The following TCF3 variants were observed in gnomAD, a reference collection of about 807,000 sequenced individuals.
TCF3 encodes transcription factor 3.
Under a neutral mutation model 72.3 loss-of-function variants are expected in TCF3, and 54 were observed. That is an observed-to-expected ratio of 0.75 (90% CI 0.60 to 0.94). The LOEUF (loss-of-function observed/expected upper bound fraction) is 0.94. TCF3 is among the 40% of genes least tolerant of loss of function. The probability of loss-of-function intolerance (pLI) is 0.00; values close to 1 mark genes in which losing one functional copy is unlikely to be tolerated. For missense variants in TCF3, 1,078 were observed against 934.4 expected (o/e 1.15, Z -2.00); for synonymous variants, 525 against 412.6 (o/e 1.27, Z -3.30).
intron 2 of TCF3, among the ~76,000 whole-genome samples, chr19:1,648,331 C>A (rs966140674): frequency 2.6e-5 from 4 of 152,194 alleles, no homozygotes; most frequent in Non-Finnish European, 5.9e-5. Context: ...GGAGGTGGAA[C>A]TCCACCTCTG....
At chr19:1,633,089 C>A (rs774600987) in intron 3 of TCF3, among the ~76,000 whole-genome samples, 7 of 126,024 alleles carry the variant, frequency 5.6e-5, no homozygotes, top group Non-Finnish European at 1.2e-4. Context: ...ACCTTGGTCC[C>A]GGGGCGGGGC....
At chr19:1,650,703 A>C (rs2066887619) in intron 1 of TCF3, 1 of 236,262 alleles carries the variant, frequency 4.2e-6, no homozygotes, top group Non-Finnish European at 8.3e-6. Flanking sequence ...AGGGAGGAAC[A>C]GCCCGATCCT....
At chr19:1,620,381 G>A (rs1210686049) in intron 13 of TCF3, among the ~76,000 whole-genome samples, 1 of 152,126 alleles carries the variant, frequency 6.6e-6, no homozygotes, top group Non-Finnish European at 1.5e-5. Context: ...GGATAAGCAA[G>A]CACGTCCTCA....
chr19:1,626,143 T>C lies in TCF3; in HGVS notation c.367-435A>G, dbSNP rs2062850777. ...GCTGCCCTGAGCCGGGTCCCGGAAC[T>C]GACTCCTGCATTTCATCCGTTCTAA... On this transcript the variant is annotated intron_variant, in intron 6 of 18. Coordinates refer to ENST00000262965, the MANE Select transcript of TCF3 (RefSeq NM_003200.5). 2.6e-5 allele frequency among the ~76,000 whole-genome samples: 4 copies of C among 152,278 alleles called. No individual in the cohort carries two copies. The South Asian group carries it at 8.3e-4, about 32-fold the overall frequency.
chr19:1,644,850 C>G (rs943485102), intron 3 of TCF3, among the ~76,000 whole-genome samples: 2 of 152,088 alleles, frequency 1.3e-5, no homozygotes, highest in Admixed American at 1.3e-4. Flanking sequence ...CCCAGAGGCC[C>G]AGGAGAATGG....
At position 1,622,293 on chromosome 19, in the gene TCF3, G is replaced by GC; in HGVS notation, c.652+19dup. 6.6e-7 allele frequency: 1 copy of GC among 1,508,042 alleles called. No homozygotes were observed. Among genetic ancestry groups the GC allele is most frequent in the Non-Finnish European group, 8.9e-7 (1 of 1,126,048 alleles). The allele number at this position is 1,508,042 out of a possible 1,614,324, so 93.4% of individuals were successfully genotyped here. On this transcript the variant is annotated intron_variant, in intron 9 of 18. Coordinates refer to ENST00000262965, the MANE Select transcript of TCF3 (RefSeq NM_003200.5). ...AGCCCTGCCCTACCGTCCCTGGCGAGCCCCCGCCCTGCCATGTACCTGCCA... is the reference window on the plus strand; with the variant it reads ...AGCCCTGCCCTACCGTCCCTGGCGAGCCCCCCGCCCTGCCATGTACCTGCCA...
chr19:1,629,954 C>T (rs560876481), intron 5 of TCF3, among the ~76,000 whole-genome samples: 1 of 152,170 alleles, frequency 6.6e-6, no homozygotes, highest in Non-Finnish European at 1.5e-5. Flanking sequence ...AGCAGTCACT[C>T]GCCCGGCTCC....
At chr19:1,643,222 T>C (rs2145486361) in intron 3 of TCF3, among the ~76,000 whole-genome samples, 1 of 152,334 alleles carries the variant, frequency 6.6e-6, no homozygotes, top group African/African-American at 2.4e-5. Context: ...ATGCCTTTTT[T>C]GTTTCGTTTC....
At chr19:1,629,022 G>A (rs4807938) in intron 5 of TCF3, among the ~76,000 whole-genome samples, 4 of 85,806 alleles carry the variant, frequency 4.7e-5, no homozygotes, top group Admixed American at 2.1e-4. Context: ...GAGGCGGGAA[G>A]GGGACAGCAG....
chr19:1,647,727 G>A (rs2066343074), intron 2 of TCF3, among the ~76,000 whole-genome samples: 1 of 152,158 alleles, frequency 6.6e-6, no homozygotes, highest in Non-Finnish European at 1.5e-5. Flanking sequence ...TATCTGCTTT[G>A]TCCCCTAGGA....
At chr19:1,626,582 C>A (rs993812015) in intron 6 of TCF3, among the ~76,000 whole-genome samples, 1 of 152,150 alleles carries the variant, frequency 6.6e-6, no homozygotes, top group African/African-American at 2.4e-5. Flanking sequence ...CCGCGGGGCT[C>A]GATGAGTCAC....
chr19:1,648,197 G>T (rs1227152723), intron 2 of TCF3, among the ~76,000 whole-genome samples: 3 of 152,160 alleles, frequency 2.0e-5, no homozygotes, highest in Admixed American at 6.5e-5. Flanking sequence ...ATACGCATCT[G>T]GTCCAGGGAA....
At chr19:1,635,923 C>G (rs2064333728) in intron 3 of TCF3, among the ~76,000 whole-genome samples, 1 of 152,228 alleles carries the variant, frequency 6.6e-6, no homozygotes, top group African/African-American at 2.4e-5. Flanking sequence ...CCACCCGATA[C>G]AGGGTCACTA....
chr19:1,612,585 G>A (rs965862276), intron 18 of TCF3, among the ~76,000 whole-genome samples: 2 of 150,786 alleles, frequency 1.3e-5, no homozygotes, highest in African/African-American at 4.8e-5. Flanking sequence ...GCACAGCAGT[G>A]TGGGCAGCAG....
chr19:1,621,200 G>T lies in TCF3; in HGVS notation c.956-9C>A. 1 of 1,534,848 alleles carries T rather than the reference G, an allele frequency of 6.5e-7. No homozygotes were observed. Among genetic ancestry groups the T allele is most frequent in the Non-Finnish European group, 8.7e-7 (1 of 1,145,944 alleles). On this transcript the variant is annotated splice_polypyrimidine_tract_variant and intron_variant, in intron 11 of 18. Transcript: ENST00000262965. ...TGTGGTCCCTCGGGAGCCTGTGGGTGAAGAGAGGTGAGGCCCACGCAGCCC... is the reference window on the plus strand; with the variant it reads ...TGTGGTCCCTCGGGAGCCTGTGGGTTAAGAGAGGTGAGGCCCACGCAGCCC...
At chr19:1,631,732 G>A (rs1451924792) in intron 5 of TCF3, among the ~76,000 whole-genome samples, 3 of 152,320 alleles carry the variant, frequency 2.0e-5, no homozygotes, top group East Asian at 3.9e-4. Flanking sequence ...CAGCCCGGCT[G>A]ACCCCTCCCC....
At chr19:1,633,570 T>C (rs929749101) in intron 3 of TCF3, among the ~76,000 whole-genome samples, 6 of 152,220 alleles carry the variant, frequency 3.9e-5, no homozygotes, top group East Asian at 1.9e-4. Context: ...TGGTGTTTAA[T>C]TGCTGTCTGA....
In TCF3 at chr19:1,614,361, G is replaced by A. The variant is rs571888513; in HGVS notation, c.1822+924C>T. On this transcript the variant is annotated intron_variant, in intron 18 of 18. Coordinates refer to ENST00000262965, the MANE Select transcript of TCF3 (RefSeq NM_003200.5). This position sits in a 1 kb window ranked among gnomAD's most constrained non-coding sequence, Gnocchi z 5.6. Reference sequence around the variant, plus strand: ...GCAAGCCCTGACGGGGGGCTTTGGGGGAGGAAACGCCCTGAGGTTGCAGCC... The same window carrying A: ...GCAAGCCCTGACGGGGGGCTTTGGGAGAGGAAACGCCCTGAGGTTGCAGCC... 2.0e-5 allele frequency among the ~76,000 whole-genome samples: 3 copies of A among 152,212 alleles called. No individual in the cohort carries two copies. Among genetic ancestry groups the A allele is most frequent in the Non-Finnish European group, 4.4e-5 (3 of 68,034 alleles).
intron 13 of TCF3, 54 bp downstream of exon 13, chr19:1,620,914 C>T (rs1230513360): frequency 5.1e-6 from 7 of 1,385,992 alleles, no homozygotes; most frequent in South Asian, 1.7e-5. Context: ...AGCCTCCCCT[C>T]CCCCCAAACC....
Sources: gnomAD v4.1 joint callset for allele counts (sites outside exome capture counted in the v4.1 genomes callset) on GRCh38, gnomAD v4.1.1 for gene constraint, Gnocchi (gnomAD v3.1) non-coding constraint, MANE v1.5 for transcripts, NCBI Gene and HGNC (gene_info 2026-07-23, HGNC 2026-07-21) for gene names.